Variants in XPO1 observed in about 807,000 individuals in gnomAD.
XPO1 encodes exportin-1.
Under a neutral mutation model 133.3 loss-of-function variants are expected in XPO1, and 5 were observed. That is an observed-to-expected ratio of 0.04 (90% CI 0.02 to 0.08). The LOEUF (loss-of-function observed/expected upper bound fraction) is 0.08, where lower values mean the gene tolerates loss of function less well. Among genes scored for constraint, XPO1 ranks in the 10% least tolerant of loss-of-function variants. The probability of loss-of-function intolerance (pLI) is 1.00; values close to 1 mark genes in which losing one functional copy is unlikely to be tolerated. For missense variants in XPO1, 506 were observed against 1,267.5 expected (o/e 0.40, Z 9.12); for synonymous variants, 419 against 408.2 (o/e 1.03, Z -0.32).
chr2:61,509,491 T>A (rs1262322993), intron 4 of XPO1, among the ~76,000 whole-genome samples: 1 of 152,044 alleles, frequency 6.6e-6, no homozygotes, highest in Non-Finnish European at 1.5e-5. Context: ...CCAGGCATGG[T>A]GCCGCATGAC....
At chr2:61,483,130 C>T in intron 21 of XPO1, 39 bp from the exon 22 acceptor site, 1 of 1,586,918 alleles carries the variant, frequency 6.3e-7, no homozygotes, top group South Asian at 1.1e-5. Flanking sequence ...TTACTACAGA[C>T]TGACAGCACT....
At chr2:61,509,783 AC>A (rs1278541440) in intron 4 of XPO1, among the ~76,000 whole-genome samples, 1 of 152,230 alleles carries the variant, frequency 6.6e-6, no homozygotes, top group Non-Finnish European at 1.5e-5. Context: ...GTCAACCTGC[AC>A]CACAGAAAAT....
chr2:61,521,820 A>T (rs1698706421), intron 4 of XPO1, among the ~76,000 whole-genome samples: 1 of 152,050 alleles, frequency 6.6e-6, no homozygotes, highest in African/African-American at 2.4e-5. Flanking sequence ...CAGTGGCACA[A>T]TGATGGCTCA....
At chr2:61,508,715 T>C (rs966340699) in intron 4 of XPO1, among the ~76,000 whole-genome samples, 17 of 152,196 alleles carry the variant, frequency 1.1e-4, no homozygotes, top group Non-Finnish European at 8.8e-5. Context: ...CTTTAAAATA[T>C]TGAGAACAAA....
chr2:61,526,271 A>G (rs1698901033), intron 3 of XPO1, 149 bp downstream of exon 3: 3 of 1,445,842 alleles, frequency 2.1e-6, no homozygotes, highest in Non-Finnish European at 2.7e-6. Flanking sequence ...GCAAGAATTA[A>G]TTATATGCTT....
chr2:61,495,494 A>T lies in XPO1; in HGVS notation c.1008T>A (p.Leu336=). ...LCTFLKEHDQ[L]IEKRLNLRET... is the part of the protein sequence containing the mutation. Reference sequence around the variant, plus strand: ...CCCTGAGATTTAATCTTTTTTCTATAAGTTGATCATGTTCCTTAAGAAAGG... The same window carrying T: ...CCCTGAGATTTAATCTTTTTTCTATTAGTTGATCATGTTCCTTAAGAAAGG... The change falls in exon 11 of 25, where the codon CTT becomes CTA. Residue 336 remains leucine (L), a synonymous_variant. Transcript: ENST00000401558. 1 of 1,570,526 alleles carries T rather than the reference A, an allele frequency of 6.4e-7. No homozygotes were observed. Among genetic ancestry groups the T allele is most frequent in the Non-Finnish European group, 8.7e-7 (1 of 1,154,380 alleles).
intron 4 of XPO1, among the ~76,000 whole-genome samples, chr2:61,514,184 C>T (rs1698238610): frequency 6.7e-6 from 1 of 148,398 alleles, no homozygotes; most frequent in Non-Finnish European, 1.5e-5. Context: ...CAGGCTCCGT[C>T]TCAAAAAAAA....
In XPO1 at chr2:61,512,669, C is replaced by G. The variant is rs530120483; in HGVS notation, c.301+9942G>C. ...AATCTCAATAAAAATTTCAGGACAG[C>G]TTTTGTTGAAATTTGCCAGATTTCA... On this transcript the variant is annotated intron_variant, in intron 4 of 24. Coordinates refer to ENST00000401558, the MANE Select transcript of XPO1 (RefSeq NM_003400.4). Among the ~76,000 whole-genome samples the G allele has an allele frequency of 3.9e-5, 6 of 152,346 alleles. No homozygotes were observed. The East Asian group carries it at 1.2e-3, about 29-fold the overall frequency.
intron 19 of XPO1, 109 bp downstream of exon 19, chr2:61,488,055 CA>C: frequency 1.1e-6 from 1 of 903,196 alleles, no homozygotes; most frequent in Middle Eastern, 2.3e-4. Flanking sequence ...ATAAAATAAC[CA>C]CAAAGTTGAT....
chr2:61,525,835 A>G, intron 3 of XPO1: 1 of 1,042,620 alleles, frequency 9.6e-7, no homozygotes, highest in Non-Finnish European at 1.2e-6. Context: ...CGTGTATTAA[A>G]CAGAATGCCA....
At chr2:61,509,272 T>C (rs1697974458) in intron 4 of XPO1, among the ~76,000 whole-genome samples, 1 of 152,056 alleles carries the variant, frequency 6.6e-6, no homozygotes, top group South Asian at 2.1e-4. Context: ...CCCAAAGTGC[T>C]GGGATTACAG....
chr2:61,490,836 A>T (rs1053090677), intron 16 of XPO1, 60 bp from the exon 17 acceptor site: 1 of 1,574,208 alleles, frequency 6.4e-7, no homozygotes, highest in Non-Finnish European at 8.6e-7. Flanking sequence ...GGAAAACCAC[A>T]CACAAGCAAT....
In XPO1 at chr2:61,498,924, A is replaced by C. The variant is rs761180130; in HGVS notation, c.591-11T>G. ...AATTCATTGCACATGCTAAAAAAAA[A>C]AACACACAAAAATATCAGATTTAGA... On this transcript the variant is annotated splice_polypyrimidine_tract_variant and intron_variant, in intron 7 of 24. Transcript: ENST00000401558. 6.4e-7 allele frequency: 1 copy of C among 1,573,170 alleles called. No individual in the cohort carries two copies. The highest frequency in any genetic ancestry group is 8.6e-7 in the Non-Finnish European group (1 of 1,162,468).
At chr2:61,505,168 GCCTGGCTGATTTTT>G (rs1252207991) in intron 4 of XPO1, among the ~76,000 whole-genome samples, 1 of 152,028 alleles carries the variant, frequency 6.6e-6, no homozygotes, top group Non-Finnish European at 1.5e-5. Context: ...TTAGCACCGT[GCCTGGCTGATTTTT>G]CCTGGTCTCA....
intron 4 of XPO1, among the ~76,000 whole-genome samples, chr2:61,517,026 C>T (rs765771226): frequency 2.4e-4 from 36 of 152,122 alleles, no homozygotes; most frequent in Admixed American, 6.5e-4. Flanking sequence ...GCCTCAGCCT[C>T]TCAATTAGCT....
chr2:61,524,876 C>T lies in XPO1; in HGVS notation c.228+1544G>A, dbSNP rs945535613. ...GAGGTTACAGTGAGCTATAATCACA[C>T]CACTGCACTCCAGCCTGGGCAACAG... On this transcript the variant is annotated intron_variant, in intron 3 of 24. Coordinates refer to ENST00000401558, the MANE Select transcript of XPO1 (RefSeq NM_003400.4). Among the ~76,000 whole-genome samples the T allele has an allele frequency of 2.6e-5, 4 of 152,210 alleles. No homozygotes were observed. The South Asian group carries it at 8.3e-4, about 32-fold the overall frequency.
intron 2 of XPO1, among the ~76,000 whole-genome samples, chr2:61,526,911 T>G (rs1210218523): frequency 6.6e-6 from 1 of 152,114 alleles, no homozygotes; most frequent in East Asian, 1.9e-4. Flanking sequence ...TTTCACCATG[T>G]TGGCCAGGCT....
chr2:61,532,022 T>C (rs187476663), intron 2 of XPO1, among the ~76,000 whole-genome samples: 158 of 152,376 alleles, frequency 1.0e-3, no homozygotes, highest in African/African-American at 3.5e-3. Context: ...GAAACATTTA[T>C]ACATGATGCT....
chr2:61,536,834 T>C (rs1424182180), intron 1 of XPO1: 2 of 152,706 alleles, frequency 1.3e-5, no homozygotes, highest in Non-Finnish European at 2.9e-5. Flanking sequence ...ATGCTTCCTC[T>C]ACTACACCAC....
Sources: gnomAD v4.1 joint callset for allele counts (sites outside exome capture counted in the v4.1 genomes callset) on GRCh38, gnomAD v4.1.1 for gene constraint, MANE v1.5 for transcripts, NCBI Gene and HGNC (gene_info 2026-07-23, HGNC 2026-07-21) for gene names.